Variants in PCDH7 observed in about 807,000 individuals in gnomAD.
The protein encoded by PCDH7 is protocadherin 7.
In PCDH7, 17 loss-of-function variants were observed where a neutral mutation model predicts 58.9. The observed-to-expected ratio is 0.29, with a 90% CI of 0.20 to 0.43. The LOEUF (loss-of-function observed/expected upper bound fraction) is 0.43. Ranked by LOEUF, PCDH7 falls within the 20% of genes least tolerant of loss-of-function variation. The pLI, the probability that PCDH7 is intolerant of heterozygous loss-of-function variation, is 1.00. For missense variants in PCDH7, 1,274 were observed against 1,441.0 expected (o/e 0.88, Z 1.88); for synonymous variants, 664 against 616.4 (o/e 1.08, Z -1.14).
intron 1 of PCDH7, among the ~76,000 whole-genome samples, chr4:30,815,232 C>A (rs1727525266): frequency 6.6e-6 from 1 of 151,772 alleles, no homozygotes; most frequent in Non-Finnish European, 1.5e-5. Flanking sequence ...AGTGGTGAAT[C>A]CATCCATATG....
At position 30,932,717 on chromosome 4, in the gene PCDH7, G is replaced by A. The variant is rs561366830; in HGVS notation, c.287+12348G>A. Among the ~76,000 whole-genome samples, 11 of 152,284 alleles carry A rather than the reference G, an allele frequency of 7.2e-5. No homozygotes were observed. The East Asian group carries it at 2.1e-3, about 29-fold the overall frequency. ...AGCAGGCTACCTGGCTGATTACAGAGTGGCCTCTGGGTGGTATCTGTAAAC... is the reference window on the plus strand; with the variant it reads ...AGCAGGCTACCTGGCTGATTACAGAATGGCCTCTGGGTGGTATCTGTAAAC... On this transcript the variant is annotated intron_variant, in intron 2 of 3. Transcript: ENST00000509759.
chr4:31,032,576 CCAGCCTGG>C (rs1755019210), intron 3 of PCDH7, among the ~76,000 whole-genome samples: 1 of 148,240 alleles, frequency 6.7e-6, no homozygotes, highest in Non-Finnish European at 1.5e-5. Context: ...CCACTGCACT[CCAGCCTGG>C]GTGATAGAGT....
At chr4:31,030,983 T>A (rs2109186018) in intron 3 of PCDH7, among the ~76,000 whole-genome samples, 2 of 152,216 alleles carry the variant, frequency 1.3e-5, no homozygotes, top group Middle Eastern at 6.8e-3. Context: ...AAATGCATCA[T>A]CCCAGATTTC....
At chr4:30,819,857 C>T (rs1174511903) in intron 1 of PCDH7, among the ~76,000 whole-genome samples, 2 of 152,032 alleles carry the variant, frequency 1.3e-5, no homozygotes, top group Admixed American at 1.3e-4. Flanking sequence ...GGTGCCTCTC[C>T]TATCTTCAAG....
intron 3 of PCDH7, among the ~76,000 whole-genome samples, chr4:31,124,179 C>A (rs975511380): frequency 2.6e-5 from 4 of 152,188 alleles, no homozygotes; most frequent in Non-Finnish European, 4.4e-5. Flanking sequence ...AGGGACCTTG[C>A]ACTCTTCTAC....
At chr4:31,001,716 A>T (rs558201685) in intron 3 of PCDH7, among the ~76,000 whole-genome samples, 2 of 152,312 alleles carry the variant, frequency 1.3e-5, no homozygotes, top group Admixed American at 1.3e-4. Context: ...GAATGAACAA[A>T]ACTCTGATTA....
intron 2 of PCDH7, among the ~76,000 whole-genome samples, chr4:30,930,265 A>G (rs958560599): frequency 6.6e-6 from 1 of 152,184 alleles, no homozygotes; most frequent in African/African-American, 2.4e-5. Context: ...ACAGTGGGAG[A>G]TACCAAAGAT....
At chr4:31,003,378 GT>G (rs57481302) in intron 3 of PCDH7, among the ~76,000 whole-genome samples, 1,559 of 146,836 alleles carry the variant, frequency 0.011, 13 homozygotes, top group African/African-American at 0.023. Flanking sequence ...CAAAAATACT[GT>G]TTTTTTTTTT....
intron 1 of PCDH7, among the ~76,000 whole-genome samples, chr4:30,851,284 C>T (rs1002285499): frequency 6.6e-6 from 1 of 151,884 alleles, no homozygotes; most frequent in African/African-American, 2.4e-5. Context: ...GGAAATTAGA[C>T]TTACCTACTT....
intron 1 of PCDH7, among the ~76,000 whole-genome samples, chr4:30,757,196 C>T (rs925383862): frequency 3.9e-5 from 6 of 152,188 alleles, no homozygotes; most frequent in Non-Finnish European, 8.8e-5. Context: ...TGTGCAAAGT[C>T]AAACTCACTA....
chr4:31,047,693 T>A (rs1756397303), intron 3 of PCDH7, among the ~76,000 whole-genome samples: 1 of 152,124 alleles, frequency 6.6e-6, no homozygotes, highest in South Asian at 2.1e-4. Context: ...TAGAAATTGA[T>A]GTTGCTTTGT....
chr4:30,824,957 CAAAT>C (rs1232506816), intron 1 of PCDH7, among the ~76,000 whole-genome samples: 1 of 151,912 alleles, frequency 6.6e-6, no homozygotes, highest in African/African-American at 2.4e-5. Flanking sequence ...AATACCCTGA[CAAAT>C]AAAATGGTGA....
At chr4:30,830,962 T>C (rs1297716214) in intron 1 of PCDH7, among the ~76,000 whole-genome samples, 1 of 152,144 alleles carries the variant, frequency 6.6e-6, no homozygotes, top group East Asian at 1.9e-4. Context: ...TGGACTTCTC[T>C]CTATTTGATA....
chr4:30,734,672 G>C (rs1715993455), downstream of PCDH7, among the ~76,000 whole-genome samples: 1 of 152,072 alleles, frequency 6.6e-6, no homozygotes, highest in South Asian at 2.1e-4. Flanking sequence ...AAGCTCAGAG[G>C]GACTGCTGTC....
chr4:30,843,799 A>G lies in PCDH7; in HGVS notation c.71-76354A>G, dbSNP rs547527256. Among the ~76,000 whole-genome samples the G allele has an allele frequency of 1.3e-3, 196 of 152,218 alleles. No homozygotes were observed. In the Middle Eastern group the frequency reaches 0.017, roughly 13 times the overall value. On this transcript the variant is annotated intron_variant, in intron 1 of 3. Transcript: ENST00000509759. ...AGTACGAAAATCTATTTAAGTTTAC[A>G]TGGACTGCACTTTCTCTTACAGACA...
chr4:30,889,462 A>T (rs139513837), intron 1 of PCDH7, among the ~76,000 whole-genome samples: 1 of 152,226 alleles, frequency 6.6e-6, no homozygotes, highest in Non-Finnish European at 1.5e-5. Flanking sequence ...GCTCAGCAGC[A>T]TGAGACAATA....
At position 30,740,350 on chromosome 4, in the gene PCDH7, T is replaced by G. The variant is rs547309927; in HGVS notation, c.70+15754T>G. ...CTCTGTCCAATTTTTTAAAAAATAG[T>G]TTCACCTTAAATCTTACCTTATGCA... On this transcript the variant is annotated intron_variant, in intron 1 of 3. Coordinates refer to the PCDH7 transcript ENST00000509759. 3.0e-4 allele frequency among the ~76,000 whole-genome samples: 46 copies of G among 152,326 alleles called. No homozygotes were observed. In the Middle Eastern group the frequency reaches 0.01, roughly 34 times the overall value.
intron 1 of PCDH7, among the ~76,000 whole-genome samples, chr4:30,877,533 C>T (rs536403153): frequency 1.3e-5 from 2 of 152,290 alleles, no homozygotes; most frequent in East Asian, 3.9e-4. Flanking sequence ...AAGGAGGCAG[C>T]AGGCCCATGG....
At chr4:30,774,680 C>A (rs1440086296) in intron 1 of PCDH7, among the ~76,000 whole-genome samples, 1 of 152,136 alleles carries the variant, frequency 6.6e-6, no homozygotes, top group East Asian at 1.9e-4. Context: ...GCTTACTCTG[C>A]ATCAGGGACT....
Sources: gnomAD v4.1 joint callset for allele counts (sites outside exome capture counted in the v4.1 genomes callset) on GRCh38, gnomAD v4.1.1 for gene constraint, MANE v1.5 for transcripts, NCBI Gene and HGNC (gene_info 2026-07-23, HGNC 2026-07-21) for gene names.